DNAH5: variants seen among roughly 807,000 people sequenced by gnomAD.
The protein encoded by DNAH5 is dynein axonemal heavy chain 5, also known as axonemal beta dynein heavy chain 5.
In DNAH5, 372 loss-of-function variants were observed where a neutral mutation model predicts 518.2. The observed-to-expected ratio is 0.72, with a 90% confidence interval of 0.66 to 0.78. The LOEUF is 0.78. Among genes scored for constraint, DNAH5 ranks in the 30% least tolerant of loss-of-function variants. The probability of loss-of-function intolerance (pLI) is 0.00; values close to 1 mark genes in which losing one functional copy is unlikely to be tolerated. For synonymous variants in DNAH5, 2,039 were observed against 2,025.9 expected (o/e 1.01, Z -0.17); for missense variants, 5,523 against 5,687.0 (o/e 0.97, Z 0.93).
In DNAH5 at chr5:13,900,242, T is replaced by C. The variant is rs371817187; in HGVS notation, c.2223A>G (p.Lys741=). The part of the protein sequence containing the change: ...VSPLATSLFQ[K]RDRYKRNFSN... ...TGAAGTTCCTTTTGTATCTATCTCGTTTCTGGAAGAGGGAAGTTGCCAGTG... is the reference window on the plus strand; with the variant it reads ...TGAAGTTCCTTTTGTATCTATCTCGCTTCTGGAAGAGGGAAGTTGCCAGTG... The change falls in exon 15 of 79, where the codon AAA becomes AAG. Residue 741 remains lysine, a synonymous_variant. Transcript: ENST00000265104. The C allele has an allele frequency of 6.2e-7, 1 of 1,614,034 alleles. No individual in the cohort carries two copies. The highest frequency in any genetic ancestry group is 8.5e-7 in the Non-Finnish European group (1 of 1,179,988).
At chr5:13,773,269 TTATAGA>T (rs899175367) in intron 55 of DNAH5, among the ~76,000 whole-genome samples, 1 of 152,148 alleles carries the variant, frequency 6.6e-6, no homozygotes, top group Admixed American at 6.6e-5. Context: ...AGCATAAGTG[TTATAGA>T]TATAGGAGGT....
Position 13,996,600 on chromosome 5 carries a change from T to C in DNAH5, c.12+15048A>G, listed in dbSNP as rs147597287. 1.3e-3 allele frequency among the ~76,000 whole-genome samples: 199 copies of C among 152,364 alleles called. 3 individuals carry two copies. The highest frequency in any genetic ancestry group is 4.4e-3 in the African/African-American group (183 of 41,590). On this transcript the variant is annotated intron_variant, in intron 1 of 78. Coordinates refer to the DNAH5 transcript ENST00000681290. ...GAAAGAAGAAAGAAGTGACAGGACC[T>C]GACCAAGTCCAAAGTTCAACAGGGC...
At chr5:13,712,217 G>C (rs1181881590) in intron 75 of DNAH5, among the ~76,000 whole-genome samples, 1 of 152,096 alleles carries the variant, frequency 6.6e-6, no homozygotes, top group East Asian at 1.9e-4. Flanking sequence ...CCTAAAGTGG[G>C]GAAAGGACAC....
rs778921573 is a variant in DNAH5, at chr5:13,716,614, T to G, written c.12782A>C (p.Lys4261Thr). The stretch of plus-strand genomic sequence containing the variant: ...CTTAGCAAATGTGTTCAACAATCTC[T>G]TATCATAGTCGTCAGTGACTCTGCC... ...YGGRVTDDYD[K>T]RLLNTFAKVW... Residue 4261 changes from lysine (K) to threonine (T), a missense_variant, in exon 74 of 79, where the codon AAG (lysine) becomes ACG (threonine). Coordinates refer to ENST00000265104, the MANE Select transcript of DNAH5 (RefSeq NM_001369.3). 4 of 1,613,670 alleles carry G rather than the reference T, an allele frequency of 2.5e-6. No homozygotes were observed. The Admixed American group carries it at 6.7e-5, about 27-fold the overall frequency.
chr5:13,786,118 C>A (rs556670644), intron 52 of DNAH5, 61 bp downstream of exon 52: 2 of 1,524,716 alleles, frequency 1.3e-6, no homozygotes, highest in Non-Finnish European at 9.1e-7. Flanking sequence ...GGGAGAGGAC[C>A]ATGGTGTGAA....
At chr5:13,833,520 T>G (rs1284942576) in intron 35 of DNAH5, among the ~76,000 whole-genome samples, 1 of 148,930 alleles carries the variant, frequency 6.7e-6, no homozygotes, top group Non-Finnish European at 1.5e-5. Context: ...ATAACAAACA[T>G]TTGCTGTGTC....
intron 11 of DNAH5, 95 bp from the exon 12 acceptor site, chr5:13,911,588 C>T (rs1776000806): frequency 2.1e-6 from 2 of 975,076 alleles, no homozygotes; most frequent in African/African-American, 3.7e-5. Context: ...ACAATAATTG[C>T]CAGAAAAAAA....
At chr5:13,735,018 C>T in intron 68 of DNAH5, 113 bp downstream of exon 68, 1 of 883,712 alleles carries the variant, frequency 1.1e-6, no homozygotes, top group Non-Finnish European at 1.8e-6. Flanking sequence ...CATCTAAATG[C>T]AGTCTTACAT....
At chr5:13,717,211 A>G (rs537158218) in intron 73 of DNAH5, 104 bp downstream of exon 73, 8 of 1,094,928 alleles carry the variant, frequency 7.3e-6, no homozygotes, top group Non-Finnish European at 1.1e-5. Flanking sequence ...TTGCAAGCAC[A>G]GCAAATTCTC....
At chr5:13,989,875 T>C (rs113955349) in intron 1 of DNAH5, among the ~76,000 whole-genome samples, 2,794 of 152,238 alleles carry the variant, frequency 0.018, 77 homozygotes, top group African/African-American at 0.065. Context: ...TTACTTGTCT[T>C]ATTTTCAGTC....
At chr5:13,772,763 T>C (rs1580159295) in intron 55 of DNAH5, among the ~76,000 whole-genome samples, 1 of 67,236 alleles carries the variant, frequency 1.5e-5, no homozygotes, top group Admixed American at 1.3e-4. Context: ...GAAAAACACA[T>C]AATAATGTAA....
At chr5:13,823,040 C>G (rs1016967266) in intron 40 of DNAH5, among the ~76,000 whole-genome samples, 1 of 152,232 alleles carries the variant, frequency 6.6e-6, no homozygotes, top group Non-Finnish European at 1.5e-5. Flanking sequence ...GCTACTCGCA[C>G]ATGACTAGCT....
Position 13,737,437 on chromosome 5 carries a change from A to G in DNAH5, c.11270T>C (p.Met3757Thr). Residue 3757 changes from methionine (M) to threonine (T), a missense_variant, in exon 66 of 79, where the codon ATG becomes ACG. By Grantham distance (81) the Met-to-Thr change is moderately conservative. Transcript: ENST00000265104. ...AAGCAAGTTATCTTCTAGTTCCTTC[A>G]TCCTTCTTTTGTTTGCAGTTACATC... ...MEDVTANKRR[M>T]KELEDNLLYR... The G allele has an allele frequency of 6.2e-7, 1 of 1,614,080 alleles. No individual in the cohort carries two copies. The highest frequency in any genetic ancestry group is 1.7e-5 in the Admixed American group (1 of 59,994).
Position 13,831,492 on chromosome 5 carries a change from C to T in DNAH5, c.5883-717G>A, listed in dbSNP as rs534973885. On this transcript the variant is annotated intron_variant, in intron 35 of 78. Coordinates refer to ENST00000265104, the MANE Select transcript of DNAH5 (RefSeq NM_001369.3). ...GGTGCCGTGTAGGGTTTTCTTATGG[C>T]CAAACTATAAAGCATTCATCCGGAC... Among the ~76,000 whole-genome samples the T allele has an allele frequency of 3.9e-5, 6 of 152,154 alleles. No individual in the cohort carries two copies. The East Asian group carries it at 1.2e-3, about 29-fold the overall frequency.
intron 53 of DNAH5, among the ~76,000 whole-genome samples, chr5:13,779,568 TG>T (rs1193795695): frequency 6.6e-6 from 1 of 152,234 alleles, no homozygotes; most frequent in East Asian, 1.9e-4. Context: ...ACTGGTCTCC[TG>T]GTTCTAACCT....
At chr5:13,723,422 T>C (rs1745313105) in intron 70 of DNAH5, among the ~76,000 whole-genome samples, 2 of 152,204 alleles carry the variant, frequency 1.3e-5, no homozygotes, top group South Asian at 4.1e-4. Context: ...CTCATCAAGA[T>C]TCAAGTACTT....
At chr5:13,778,598 G>GAAAGGA (rs70964506) in intron 53 of DNAH5, among the ~76,000 whole-genome samples, 1 of 140,134 alleles carries the variant, frequency 7.1e-6, no homozygotes, top group East Asian at 2.3e-4. Context: ...AAGAAAGAAA[G>GAAAGGA]AGAGAGAGAA....
intron 5 of DNAH5, among the ~76,000 whole-genome samples, chr5:13,921,425 C>G (rs1395532515): frequency 1.1e-5 from 1 of 89,660 alleles, no homozygotes; most frequent in Non-Finnish European, 2.3e-5. Flanking sequence ...TCTCTCTCTC[C>G]CTCTCTCTCT....
intron 4 of DNAH5, 48 bp from the exon 5 acceptor site, chr5:13,922,376 G>T: frequency 6.7e-7 from 1 of 1,494,046 alleles, no homozygotes; most frequent in Non-Finnish European, 9.2e-7. Context: ...ATCCTCAAAT[G>T]CAACACAACT....
Sources: allele counts gnomAD v4.1 joint callset (sites outside exome capture counted in the v4.1 genomes callset), GRCh38; gene constraint gnomAD v4.1.1; transcripts MANE v1.5; gene names NCBI Gene and HGNC (gene_info 2026-07-23, HGNC 2026-07-21).